NFATC2: variants seen among roughly 807,000 people sequenced by gnomAD.
NFATC2 encodes the protein nuclear factor of activated T cells 2.
NFATC2 carries 22 observed loss-of-function variants against 87.3 expected under a neutral mutation model. That is an observed-to-expected ratio of 0.25 (90% confidence interval 0.18 to 0.36). NFATC2 has a LOEUF of 0.36. Ranked by LOEUF, NFATC2 falls within the 10% of genes least tolerant of loss-of-function variation. The pLI, the probability that NFATC2 is intolerant of heterozygous loss-of-function variation, is 1.00. For synonymous variants in NFATC2, 565 were observed against 542.2 expected (o/e 1.04, Z -0.58); for missense variants, 1,149 against 1,259.1 (o/e 0.91, Z 1.32).
chr20:51,523,665 C>G lies in NFATC2; in HGVS notation c.576G>C (p.Ser192=). The change falls in exon 2 of 11, where the codon TCG becomes TCC. Residue 192 remains serine, a synonymous_variant. Coordinates refer to ENST00000371564, the MANE Select transcript of NFATC2 (RefSeq NM_012340.5). This position sits in a 1 kb window ranked among gnomAD's most constrained non-coding sequence, Gnocchi z 6.9. ...GGTCGTCGGGCCCGCCGTTATTGGG[C>G]GAGACGCAGGGCGAGGTGTAGGGGG... The part of the protein sequence containing the change: ...TFSPYTSPCV[S]PNNGGPDDLC... 6.2e-7 allele frequency: 1 copy of G among 1,613,774 alleles called. No homozygotes were observed. Among genetic ancestry groups the G allele is most frequent in the Non-Finnish European group, 8.5e-7 (1 of 1,179,830 alleles).
intron 3 of NFATC2, among the ~76,000 whole-genome samples, chr20:51,499,184 G>C (rs1429924843): frequency 1.3e-5 from 2 of 152,218 alleles, no homozygotes; most frequent in Non-Finnish European, 2.9e-5. Context: ...GGTACACTCT[G>C]AACAGATCCT....
At chr20:51,409,413 A>G (rs984202300) in intron 9 of NFATC2, among the ~76,000 whole-genome samples, 26 of 152,266 alleles carry the variant, frequency 1.7e-4, no homozygotes, top group African/African-American at 6.0e-4. Context: ...GGAAAGAATT[A>G]CAGCTAAAGC....
Position 51,516,958 on chromosome 20 carries a change from A to G in NFATC2, c.1161-3T>C, listed in dbSNP as rs1283864798. 6.3e-7 allele frequency: 1 copy of G among 1,598,824 alleles called. No individual in the cohort carries two copies. The highest frequency in any genetic ancestry group is 1.1e-5 in the South Asian group (1 of 89,032). On this transcript the variant is annotated splice_polypyrimidine_tract_variant and splice_region_variant and intron_variant, in intron 2 of 10. Transcript: ENST00000371564. Reference sequence around the variant, plus strand: ...GGAGGGATGCAGTCACTGGGATGCTAAAGGAGAAAATAAAATCAGCCATGT... The same window carrying G: ...GGAGGGATGCAGTCACTGGGATGCTGAAGGAGAAAATAAAATCAGCCATGT...
chr20:51,509,996 AAC>A (rs1359335418), intron 3 of NFATC2, among the ~76,000 whole-genome samples: 2 of 152,218 alleles, frequency 1.3e-5, no homozygotes, highest in African/African-American at 4.8e-5. Context: ...AATTCCTCGT[AAC>A]AGAGCTACCC....
At chr20:51,482,923 A>T (rs1989384639) in intron 3 of NFATC2, among the ~76,000 whole-genome samples, 1 of 152,214 alleles carries the variant, frequency 6.6e-6, no homozygotes, top group African/African-American at 2.4e-5. Flanking sequence ...TACATGGCAC[A>T]TCCCAGGGTT....
intron 1 of NFATC2, among the ~76,000 whole-genome samples, chr20:51,528,515 TAC>T (rs1344489415): frequency 1.3e-5 from 2 of 152,078 alleles, no homozygotes; most frequent in African/African-American, 4.8e-5. Context: ...CACACATATG[TAC>T]ACACACAGAC....
At chr20:51,511,486 T>C (rs1014765175) in intron 3 of NFATC2, among the ~76,000 whole-genome samples, 2 of 152,320 alleles carry the variant, frequency 1.3e-5, no homozygotes, top group Non-Finnish European at 2.9e-5. Context: ...ATCCAACTGT[T>C]TACTTGACAT....
At position 51,390,661 on chromosome 20, in the gene NFATC2, A is replaced by G. The variant is rs1568913386; in HGVS notation, c.*835T>C. On this transcript the variant is annotated 3_prime_UTR_variant, in exon 11 of 11. Coordinates refer to ENST00000371564, the MANE Select transcript of NFATC2 (RefSeq NM_012340.5). ...AAGAACAGCTCGCCAAGACAGCTCC[A>G]GGGCTAGGTGCCCTGGTCAGCCTTT... is the stretch of plus-strand genomic sequence containing the variant. 1 of 153,724 alleles carries G rather than the reference A, an allele frequency of 6.5e-6. No individual in the cohort carries two copies. Among genetic ancestry groups the G allele is most frequent in the Non-Finnish European group, 1.4e-5 (1 of 69,084 alleles). The allele number at this position is 153,724 out of a possible 1,614,324, so 9.5% of individuals were successfully genotyped here. A position where few individuals can be genotyped will look rare whatever the true frequency, so the allele number is the denominator to read the frequency against.
chr20:51,401,675 CAACCTAATACAAGGTTACAGCCTAA>C (rs1168379469), intron 9 of NFATC2, among the ~76,000 whole-genome samples: 1 of 152,128 alleles, frequency 6.6e-6, no homozygotes, highest in Non-Finnish European at 1.5e-5. Flanking sequence ...ACTTTTGCGC[CAACCTAATACAAGGTTACAGCCTAA>C]GACCTATACA....
At chr20:51,532,414 C>A (rs2076648590) in intron 1 of NFATC2, among the ~76,000 whole-genome samples, 1 of 152,144 alleles carries the variant, frequency 6.6e-6, no homozygotes, top group African/African-American at 2.4e-5. Context: ...GCAAGGATCC[C>A]CCCCGGAAAA....
upstream of NFATC2, chr20:51,562,665 G>A (rs1415996573): frequency 6.5e-7 from 1 of 1,541,912 alleles, no homozygotes. The surrounding 1 kb of genome is among the most constrained non-coding windows in gnomAD (Gnocchi z 5.8). Flanking sequence ...TGTTTGGAAA[G>A]GGGGATCTGT....
At chr20:51,459,438 T>C (rs1172639054) in intron 5 of NFATC2, among the ~76,000 whole-genome samples, 3 of 152,162 alleles carry the variant, frequency 2.0e-5, no homozygotes, top group African/African-American at 7.2e-5. Context: ...CGTTTCTTTT[T>C]CTGGTGATAA....
chr20:51,472,673 T>C (rs1988339190), intron 5 of NFATC2, among the ~76,000 whole-genome samples: 1 of 146,716 alleles, frequency 6.8e-6, no homozygotes, highest in Non-Finnish European at 1.5e-5. Context: ...TCTCACTCTG[T>C]TGCCCAGGCT....
chr20:51,401,990 G>C lies in NFATC2; in HGVS notation c.2723-3260C>G, dbSNP rs116989756. On this transcript the variant is annotated intron_variant, in intron 9 of 10. Transcript: ENST00000371564. ...GGATGGAATTTAAGGGAAACCCTGC[G>C]TGCATCTCCGTGGTGGAACCAATGG... 1.5e-3 allele frequency among the ~76,000 whole-genome samples: 229 copies of C among 152,308 alleles called. 1 individual carries two copies. Among genetic ancestry groups the C allele is most frequent in the African/African-American group, 5.2e-3 (218 of 41,564 alleles).
chr20:51,535,905 C>T (rs1433263667), intron 1 of NFATC2, among the ~76,000 whole-genome samples: 1 of 152,130 alleles, frequency 6.6e-6, no homozygotes, highest in Non-Finnish European at 1.5e-5. Flanking sequence ...ATTACAAGGT[C>T]GGGAGGGTCC....
chr20:51,390,449 C>T lies in NFATC2; in HGVS notation c.*1047G>A, dbSNP rs533351121. 20 of 152,306 alleles carry T rather than the reference C, an allele frequency of 1.3e-4. No individual in the cohort carries two copies. Among genetic ancestry groups the T allele is most frequent in the Admixed American group, 9.8e-4 (15 of 15,300 alleles). 9.4% of individuals were successfully genotyped at this position (152,306 alleles called of 1,614,324 possible). On this transcript the variant is annotated 3_prime_UTR_variant, in exon 11 of 11. Transcript: ENST00000371564. The stretch of plus-strand genomic sequence containing the variant: ...CCTTCTGCTATTCCTCAATTAAATG[C>T]ACATGCTTGAGATTCTCCACCGCTT...
intron 1 of NFATC2, among the ~76,000 whole-genome samples, chr20:51,551,698 TAAGCCAAAATTTTAAAACAAA>T (rs76256263): frequency 0.75 from 113,495 of 151,814 alleles, 43,872 homozygotes; most frequent in East Asian, 1. Flanking sequence ...TTTGGCATGA[TAAGCCAAAATTTTAAAACAAA>T]AATTTTGTTT....
intron 10 of NFATC2, among the ~76,000 whole-genome samples, chr20:51,397,241 C>A (rs1987298740): frequency 6.6e-6 from 1 of 152,216 alleles, no homozygotes. Context: ...ACAGAGCTCT[C>A]CCAGACCTCT....
chr20:51,475,586 C>T lies in NFATC2; in HGVS notation c.1407G>A (p.Lys469=), dbSNP rs201851465. 3 of 1,614,158 alleles carry T rather than the reference C, an allele frequency of 1.9e-6. No homozygotes were observed. In the Admixed American group the frequency reaches 5.0e-5, roughly 27 times the overall value. ...GGTGCACCTGGTAGAAGGCGTGCGG[C>T]TTAAGGATCCGCTCATCAGCTGTCC... ...FIGTADERIL[K]PHAFYQVHRI... The change falls in exon 4 of 11, where the codon AAG becomes AAA. Residue 469 remains lysine, a synonymous_variant. Coordinates refer to ENST00000371564, the MANE Select transcript of NFATC2 (RefSeq NM_012340.5).
Sources: gnomAD v4.1 joint callset for allele counts (sites outside exome capture counted in the v4.1 genomes callset) on GRCh38, gnomAD v4.1.1 for gene constraint, Gnocchi (gnomAD v3.1) non-coding constraint, MANE v1.5 for transcripts, NCBI Gene and HGNC (gene_info 2026-07-23, HGNC 2026-07-21) for gene names.